Variants in FOXN2 observed in about 807,000 individuals in gnomAD.
The protein encoded by FOXN2 is forkhead box protein N2.
A neutral mutation model predicts 41.2 loss-of-function variants in FOXN2; 19 were observed. That is an observed-to-expected ratio of 0.46 (90% CI 0.32 to 0.68). The LOEUF is 0.68. Ranked by LOEUF, FOXN2 falls within the 30% of genes least tolerant of loss-of-function variation. FOXN2 has a pLI of 0.03. For synonymous variants in FOXN2, 195 were observed against 176.8 expected (o/e 1.10, Z -0.82); for missense variants, 587 against 509.4 (o/e 1.15, Z -1.47).
At chr2:48,348,032 G>T (rs1671227173) in intron 3 of FOXN2, among the ~76,000 whole-genome samples, 1 of 151,450 alleles carries the variant, frequency 6.6e-6, no homozygotes, top group African/African-American at 2.4e-5. Flanking sequence ...AGAGGGCCTA[G>T]ATGTGTTATT....
intron 1 of FOXN2, among the ~76,000 whole-genome samples, chr2:48,315,170 G>A (rs905195911): frequency 6.6e-6 from 1 of 152,150 alleles, no homozygotes; most frequent in African/African-American, 2.4e-5. Context: ...CGTGGAGGGG[G>A]CCCCAAGGAC....
intron 5 of FOXN2, among the ~76,000 whole-genome samples, chr2:48,372,799 A>G (rs1389534386): frequency 2.0e-5 from 3 of 152,090 alleles, no homozygotes; most frequent in Admixed American, 6.6e-5. Context: ...CTTAGCATTT[A>G]TAGGTTTACA....
intron 1 of FOXN2, among the ~76,000 whole-genome samples, chr2:48,315,584 T>C (rs1668855795): frequency 6.6e-6 from 1 of 152,268 alleles, no homozygotes; most frequent in South Asian, 2.1e-4. Context: ...GTGAGAGGTC[T>C]GCGGTGGAAG....
intron 2 of FOXN2, among the ~76,000 whole-genome samples, chr2:48,343,341 A>G (rs191712928): frequency 4.6e-5 from 7 of 152,320 alleles, no homozygotes; most frequent in Non-Finnish European, 1.5e-5. Context: ...CAGTTAGTGC[A>G]CCTTTTTGCA....
intron 2 of FOXN2, among the ~76,000 whole-genome samples, chr2:48,338,477 C>T (rs1245182894): frequency 3.9e-5 from 6 of 151,938 alleles, no homozygotes; most frequent in African/African-American, 1.2e-4. Flanking sequence ...TCTCAGCTCA[C>T]TACAAGCTCC....
At chr2:48,362,581 T>G in intron 4 of FOXN2, 62 bp from the exon 5 acceptor site, 6 of 1,471,694 alleles carry the variant, frequency 4.1e-6, no homozygotes, top group Non-Finnish European at 5.7e-6. Context: ...TGTCAAAAAT[T>G]AGGGGGAAAA....
rs1673352979 is a variant in FOXN2 at position 48,377,947 on chromosome 2, A to G, written c.*2504A>G. On this transcript the variant is annotated 3_prime_UTR_variant, in exon 7 of 7. Transcript: ENST00000340553. ...TGGCCTGGAAATTGTATTCCCTATA[A>G]TATACAAATTTTCCTGTAATAAAGT... The G allele has an allele frequency of 6.6e-6, 1 of 152,042 alleles. No individual in the cohort carries two copies. Among genetic ancestry groups the G allele is most frequent in the African/African-American group, 2.4e-5 (1 of 41,448 alleles). The allele number at this position is 152,042 out of a possible 1,614,324, so 9.4% of individuals were successfully genotyped here.
intron 2 of FOXN2, among the ~76,000 whole-genome samples, chr2:48,337,991 A>G (rs1004168394): frequency 1.3e-5 from 2 of 152,200 alleles, no homozygotes; most frequent in African/African-American, 4.8e-5. Flanking sequence ...GCTTCATCCA[A>G]TGGACATATA....
Position 48,377,014 on chromosome 2 carries a change from A to G in FOXN2, c.*1571A>G, listed in dbSNP as rs1406271686. 6.6e-6 allele frequency: 1 copy of G among 152,092 alleles called. No individual in the cohort carries two copies. 9.4% of individuals were successfully genotyped at this position (152,092 alleles called of 1,614,324 possible). ...ATTTTTATTTTGGCAAAACTGTCAA[A>G]TGAGAAAAATGATTTTAAAAACTTT... On this transcript the variant is annotated 3_prime_UTR_variant, in exon 7 of 7. Coordinates refer to ENST00000340553, the MANE Select transcript of FOXN2 (RefSeq NM_002158.4).
intron 5 of FOXN2, among the ~76,000 whole-genome samples, chr2:48,370,291 A>G (rs536336267): frequency 1.3e-5 from 2 of 152,346 alleles, no homozygotes; most frequent in African/African-American, 4.8e-5. Context: ...ACTGAACTCA[A>G]AAAGAATTGC....
chr2:48,362,790 C>A lies in FOXN2; in HGVS notation c.703+83C>A, dbSNP rs566934397. ...GGCAGTGCATAACAATGGTGGTCCC[C>A]TAAGATTATAATGGAGCTGAAAAAT... is the stretch of plus-strand genomic sequence containing the variant. On this transcript the variant is annotated intron_variant, in intron 5 of 6. Transcript: ENST00000340553. 214 of 1,158,786 alleles carry A rather than the reference C, an allele frequency of 1.8e-4. 1 individual carries two copies. The African/African-American group carries it at 3.0e-3, about 16-fold the overall frequency. The allele number at this position is 1,158,786 out of a possible 1,614,324, so 71.8% of individuals were successfully genotyped here.
In FOXN2 at chr2:48,375,238, A is replaced by G; in HGVS notation, c.1091A>G (p.Asp364Gly). The G allele has an allele frequency of 1.2e-6, 2 of 1,614,120 alleles. No homozygotes were observed. Among genetic ancestry groups the G allele is most frequent in the Non-Finnish European group, 1.7e-6 (2 of 1,180,006 alleles). Residue 364 changes from aspartate (D) to glycine (G), a missense_variant, in exon 7 of 7, where the codon GAC (aspartate) becomes GGC (glycine). Asp to Gly is a moderately conservative substitution (Grantham distance 94). Coordinates refer to ENST00000340553, the MANE Select transcript of FOXN2 (RefSeq NM_002158.4). ...DVDYEDDPLG[D>G]SGYASQPCAK... ...GATTATGAAGATGATCCTCTTGGAG[A>G]CAGTGGCTATGCATCACAGCCTTGT...
At chr2:48,364,184 A>G (rs1672380139) in intron 5 of FOXN2, among the ~76,000 whole-genome samples, 1 of 152,170 alleles carries the variant, frequency 6.6e-6, no homozygotes, top group African/African-American at 2.4e-5. Flanking sequence ...TTTATTAAAG[A>G]GAAAGTAAAG....
At chr2:48,324,525 A>G (rs1408880678) in intron 1 of FOXN2, among the ~76,000 whole-genome samples, 1 of 152,060 alleles carries the variant, frequency 6.6e-6, no homozygotes, top group Non-Finnish European at 1.5e-5. Context: ...TGTTTCATGT[A>G]GTTTGATTAA....
In FOXN2 at chr2:48,377,535, C is replaced by T. The variant is rs1237286541; in HGVS notation, c.*2092C>T. The T allele has an allele frequency of 6.6e-6, 1 of 151,942 alleles. No individual in the cohort carries two copies. The highest frequency in any genetic ancestry group is 6.6e-5 in the Admixed American group (1 of 15,250). 9.4% of individuals were successfully genotyped at this position (151,942 alleles called of 1,614,324 possible). A position where few individuals can be genotyped will look rare whatever the true frequency, so the allele number is the denominator to read the frequency against. ...AAGGAAAGAGAAGCAGAGTTAGTTCCAGCTCTAATAGGGATCTTCAAAGTT... is the reference window on the plus strand; with the variant it reads ...AAGGAAAGAGAAGCAGAGTTAGTTCTAGCTCTAATAGGGATCTTCAAAGTT... On this transcript the variant is annotated 3_prime_UTR_variant, in exon 7 of 7. Coordinates refer to ENST00000340553, the MANE Select transcript of FOXN2 (RefSeq NM_002158.4).
intron 2 of FOXN2, among the ~76,000 whole-genome samples, chr2:48,336,594 G>T (rs909347963): frequency 1.3e-5 from 2 of 151,266 alleles, no homozygotes; most frequent in African/African-American, 4.9e-5. Context: ...AAAAAAAATG[G>T]AATGAGAAAA....
intron 2 of FOXN2, among the ~76,000 whole-genome samples, chr2:48,334,260 A>C (rs1670196074): frequency 1.3e-5 from 2 of 152,170 alleles, no homozygotes; most frequent in African/African-American, 4.8e-5. Context: ...GAAAGCACAA[A>C]ATGAAAATTT....
chr2:48,343,376 G>C (rs184169940), intron 2 of FOXN2, among the ~76,000 whole-genome samples: 67 of 152,278 alleles, frequency 4.4e-4, no homozygotes, highest in African/African-American at 1.5e-3. Context: ...TTTGTATTAT[G>C]AGTTCATTTC....
At chr2:48,335,818 G>A (rs1414572214) in intron 2 of FOXN2, among the ~76,000 whole-genome samples, 1 of 149,836 alleles carries the variant, frequency 6.7e-6, no homozygotes, top group Non-Finnish European at 1.5e-5. Flanking sequence ...ATGAGGTCAG[G>A]AAATAGAGAC....
Sources: gnomAD v4.1 joint callset for allele counts (sites outside exome capture counted in the v4.1 genomes callset) on GRCh38, gnomAD v4.1.1 for gene constraint, MANE v1.5 for transcripts, NCBI Gene and HGNC (gene_info 2026-07-23, HGNC 2026-07-21) for gene names.